Variants in CCDC6 observed in about 807,000 individuals in gnomAD.
CCDC6 encodes coiled-coil domain-containing protein 6.
CCDC6 carries 20 observed loss-of-function variants against 56.6 expected under a neutral mutation model. The ratio of observed to expected loss-of-function variants is 0.35; its 90% CI spans 0.25 to 0.51. The LOEUF is 0.51. CCDC6 is among the 20% of genes least tolerant of loss of function. The probability of loss-of-function intolerance (pLI) is 0.95; values close to 1 mark genes in which losing one functional copy is unlikely to be tolerated. For missense variants in CCDC6, 367 were observed against 601.1 expected, an observed-to-expected ratio of 0.61 and a Z score of 4.07; for synonymous variants, 241 against 234.4, an observed-to-expected ratio of 1.03 and a Z score of -0.26.
intron 2 of CCDC6, among the ~76,000 whole-genome samples, chr10:59,841,822 C>T (rs2070942415): frequency 6.6e-6 from 1 of 151,704 alleles, no homozygotes. Flanking sequence ...CGCCTACAAC[C>T]ACGCCCGGCT....
intron 1 of CCDC6, among the ~76,000 whole-genome samples, chr10:59,891,812 T>A (rs962461673): frequency 6.6e-6 from 1 of 152,162 alleles, no homozygotes; most frequent in Non-Finnish European, 1.5e-5. Context: ...TCAGATAAAA[T>A]AGCCTCCTTG....
At chr10:59,905,095 T>G (rs1235065679) in intron 1 of CCDC6, among the ~76,000 whole-genome samples, 2 of 152,240 alleles carry the variant, frequency 1.3e-5, no homozygotes, top group African/African-American at 2.4e-5. Flanking sequence ...ACTTTTGATT[T>G]GAATACAGTT....
chr10:59,802,023 A>G lies in CCDC6; in HGVS notation c.1105+2397T>C, dbSNP rs150199955. The stretch of plus-strand genomic sequence containing the variant: ...TCTGTGGGGTACGTTCATTGCTATG[A>G]GGGTGCAGACCTATTTTTTAGACCT... On this transcript the variant is annotated intron_variant, in intron 7 of 8. Transcript: ENST00000263102. Among the ~76,000 whole-genome samples the G allele has an allele frequency of 4.2e-4, 64 of 152,260 alleles. No individual in the cohort carries two copies. In the East Asian group the frequency reaches 0.011, roughly 27 times the overall value.
chr10:59,793,172 C>T, intron 8 of CCDC6, 61 bp from the exon 9 acceptor site: 1 of 1,396,292 alleles, frequency 7.2e-7, no homozygotes, highest in South Asian at 1.2e-5. Context: ...TTCTACCTAA[C>T]ACAGCCTGAC....
At chr10:59,899,792 C>T (rs1383184955) in intron 1 of CCDC6, among the ~76,000 whole-genome samples, 2 of 152,220 alleles carry the variant, frequency 1.3e-5, no homozygotes, top group African/African-American at 2.4e-5. Flanking sequence ...AATACTTTGT[C>T]CCCTTTCAGA....
intron 8 of CCDC6, among the ~76,000 whole-genome samples, chr10:59,793,329 C>T (rs1940888603): frequency 6.6e-6 from 1 of 152,230 alleles, no homozygotes; most frequent in Non-Finnish European, 1.5e-5. Flanking sequence ...CATAAAATTA[C>T]TGCACAACTT....
chr10:59,824,284 A>G (rs1022471120), intron 3 of CCDC6, among the ~76,000 whole-genome samples: 1 of 152,196 alleles, frequency 6.6e-6, no homozygotes, highest in African/African-American at 2.4e-5. Flanking sequence ...GGCACCCCTA[A>G]GTTGGCTTCA....
chr10:59,792,802 AT>A lies in CCDC6; in HGVS notation c.*114del. 1 of 1,045,174 alleles carries A rather than the reference AT, an allele frequency of 9.6e-7. No individual in the cohort carries two copies. Among genetic ancestry groups the A allele is most frequent in the East Asian group, 2.4e-5 (1 of 42,298 alleles). The allele number at this position is 1,045,174 out of a possible 1,614,324, so 64.7% of individuals were successfully genotyped here. A position where few individuals can be genotyped will look rare whatever the true frequency, so the allele number is the denominator to read the frequency against. ...CAACACAATGGATAGTGAAGCCTAG[AT>A]AACCTCAGTGCAAATAAGTCATATC... On this transcript the variant is annotated 3_prime_UTR_variant, in exon 9 of 9. Transcript: ENST00000263102.
At chr10:59,886,245 G>T (rs1004025704) in intron 1 of CCDC6, among the ~76,000 whole-genome samples, 3 of 152,150 alleles carry the variant, frequency 2.0e-5, no homozygotes, top group South Asian at 2.1e-4. Flanking sequence ...AATTACACTT[G>T]AATCCATTTA....
At chr10:59,809,503 G>A (rs978358219) in intron 5 of CCDC6, among the ~76,000 whole-genome samples, 1 of 152,136 alleles carries the variant, frequency 6.6e-6, no homozygotes, top group Non-Finnish European at 1.5e-5. Context: ...ACCTCTGGGT[G>A]TCACTGACTC....
At chr10:59,835,415 C>T (rs1313482330) in intron 2 of CCDC6, among the ~76,000 whole-genome samples, 1 of 152,182 alleles carries the variant, frequency 6.6e-6, no homozygotes, top group Non-Finnish European at 1.5e-5. Flanking sequence ...ATAGATTGAA[C>T]TAGTAACAAA....
In CCDC6 at chr10:59,889,839, T is replaced by C. The variant is rs189165188; in HGVS notation, c.303+16283A>G. Among the ~76,000 whole-genome samples the C allele has an allele frequency of 5.3e-5, 8 of 152,258 alleles. No individual in the cohort carries two copies. In the East Asian group the frequency reaches 1.4e-3, roughly 26 times the overall value. On this transcript the variant is annotated intron_variant, in intron 1 of 8. Coordinates refer to ENST00000263102, the MANE Select transcript of CCDC6 (RefSeq NM_005436.5). ...GGCTCTGATGGCACTACCTCCTCCC[T>C]TTATCCTCCAGAGGGGTTGTGGGAG...
intron 3 of CCDC6, among the ~76,000 whole-genome samples, chr10:59,820,314 G>A (rs1270859755): frequency 6.6e-6 from 1 of 152,190 alleles, no homozygotes; most frequent in Non-Finnish European, 1.5e-5. Flanking sequence ...ATAGGATTTT[G>A]AAAGGTTTTA....
At chr10:59,837,743 T>C in intron 2 of CCDC6, among the ~76,000 whole-genome samples, 1 of 49,284 alleles carries the variant, frequency 2.0e-5, no homozygotes, top group East Asian at 4.4e-4. Flanking sequence ...TGAGACTCTG[T>C]CTCAAAAAAA....
rs2070445913 is a variant in CCDC6 at position 59,789,159 on chromosome 10, G to GT, written c.*3757dup. The GT allele has an allele frequency of 4.3e-6, 1 of 230,194 alleles. No individual in the cohort carries two copies. The highest frequency in any genetic ancestry group is 6.2e-5 in the East Asian group (1 of 16,216). The allele number at this position is 230,194 out of a possible 1,614,324, so 14.3% of individuals were successfully genotyped here. On this transcript the variant is annotated 3_prime_UTR_variant, in exon 9 of 9. Coordinates refer to ENST00000263102, the MANE Select transcript of CCDC6 (RefSeq NM_005436.5). The stretch of plus-strand genomic sequence containing the variant: ...CTTAAACTGTTGTGCCTGCAACTTT[G>GT]TTTTTGCCAGGATGAAGTTCAGACC...
At chr10:59,794,664 A>G in intron 7 of CCDC6, 67 bp from the exon 8 acceptor site, 3 of 1,472,062 alleles carry the variant, frequency 2.0e-6, no homozygotes, top group East Asian at 4.6e-5. Flanking sequence ...ACTATCTAGG[A>G]GGTTTTAAAT....
chr10:59,879,147 T>C lies in CCDC6; in HGVS notation c.304-26445A>G, dbSNP rs955196484. Among the ~76,000 whole-genome samples, 7 of 152,270 alleles carry C rather than the reference T, an allele frequency of 4.6e-5. No individual in the cohort carries two copies. In the East Asian group the frequency reaches 1.4e-3, roughly 29 times the overall value. ...CGCAATTGCCAAAGGTCCACATGAC[T>C]TGACAAGGATTACCTAAAACCTTCA... On this transcript the variant is annotated intron_variant, in intron 1 of 8. Transcript: ENST00000263102.
At chr10:59,898,071 C>T (rs904725681) in intron 1 of CCDC6, among the ~76,000 whole-genome samples, 2 of 152,198 alleles carry the variant, frequency 1.3e-5, no homozygotes, top group Non-Finnish European at 2.9e-5. Context: ...TCAAAATTTC[C>T]TATAAAATAG....
chr10:59,841,196 C>T (rs1027405516), intron 2 of CCDC6, among the ~76,000 whole-genome samples: 2 of 152,208 alleles, frequency 1.3e-5, no homozygotes, highest in Non-Finnish European at 2.9e-5. Flanking sequence ...TCCAACATGG[C>T]AGGCACAATC....
Sources: gnomAD v4.1 joint callset for allele counts (sites outside exome capture counted in the v4.1 genomes callset) on GRCh38, gnomAD v4.1.1 for gene constraint, MANE v1.5 for transcripts, NCBI Gene and HGNC (gene_info 2026-07-23, HGNC 2026-07-21) for gene names.